The following PTPRD variants were observed in gnomAD, a reference collection of about 807,000 sequenced individuals.
PTPRD encodes the protein receptor-type tyrosine-protein phosphatase delta.
PTPRD carries 34 observed loss-of-function variants against 214.5 expected under a neutral mutation model. The ratio of observed to expected loss-of-function variants is 0.16; its 90% CI spans 0.12 to 0.21. The LOEUF (loss-of-function observed/expected upper bound fraction) is 0.21. PTPRD is among the 10% of genes least tolerant of loss of function. The pLI, the probability that PTPRD is intolerant of heterozygous loss-of-function variation, is 1.00. For synonymous variants in PTPRD, 1,128 were observed against 845.7 expected (o/e 1.33, Z -5.79); for missense variants, 2,545 against 2,398.7 (o/e 1.06, Z -1.27).
intron 12 of PTPRD, among the ~76,000 whole-genome samples, chr9:8,718,786 C>T (rs1312755320): frequency 6.6e-6 from 1 of 152,162 alleles, no homozygotes; most frequent in East Asian, 1.9e-4. Context: ...CCACGTGAGC[C>T]AGGGATTCCA....
At chr9:8,657,049 T>C (rs1166047436) in intron 12 of PTPRD, among the ~76,000 whole-genome samples, 1 of 152,198 alleles carries the variant, frequency 6.6e-6, no homozygotes, top group Non-Finnish European at 1.5e-5. Context: ...GGTAGCTCAT[T>C]ATGGTTTTGA....
intron 3 of PTPRD, among the ~76,000 whole-genome samples, chr9:10,199,875 C>G (rs1471831639): frequency 6.7e-6 from 1 of 149,742 alleles, no homozygotes; most frequent in Non-Finnish European, 1.5e-5. Flanking sequence ...ATAACTACCA[C>G]TTAACACAAG....
intron 22 of PTPRD, among the ~76,000 whole-genome samples, chr9:8,505,487 T>G (rs1450860808): frequency 6.6e-6 from 1 of 151,086 alleles, no homozygotes; most frequent in Non-Finnish European, 1.5e-5. Flanking sequence ...CCGGGTGTGG[T>G]GGTGGGCGCC....
intron 2 of PTPRD, among the ~76,000 whole-genome samples, chr9:10,445,678 A>AG (rs1009585082): frequency 6.6e-6 from 1 of 152,054 alleles, no homozygotes; most frequent in Non-Finnish European, 1.5e-5. Flanking sequence ...GCTTGAGAAC[A>AG]GTGGCTGAGC....
At chr9:9,321,879 C>T (rs991820560) in intron 9 of PTPRD, among the ~76,000 whole-genome samples, 4 of 152,106 alleles carry the variant, frequency 2.6e-5, no homozygotes, top group Non-Finnish European at 4.4e-5. Context: ...ATTTTACTAA[C>T]TTTATGGTAA....
chr9:10,577,064 G>C (rs2069645973), intron 2 of PTPRD, among the ~76,000 whole-genome samples: 1 of 151,586 alleles, frequency 6.6e-6, no homozygotes. Context: ...AAATAATGTA[G>C]AAAGCCAATC....
intron 3 of PTPRD, among the ~76,000 whole-genome samples, chr9:10,167,630 A>T (rs2099167411): frequency 2.0e-5 from 3 of 152,176 alleles, no homozygotes; most frequent in Admixed American, 1.3e-4. Context: ...AAATAGGATG[A>T]TTTATGAAGT....
At chr9:9,874,789 TG>T (rs1361541692) in intron 5 of PTPRD, among the ~76,000 whole-genome samples, 1 of 152,188 alleles carries the variant, frequency 6.6e-6, no homozygotes. Flanking sequence ...CCTGTACATT[TG>T]GAAACGTATG....
chr9:9,322,574 T>C (rs950767954), intron 9 of PTPRD, among the ~76,000 whole-genome samples: 27 of 152,310 alleles, frequency 1.8e-4, no homozygotes, highest in African/African-American at 6.3e-4. Context: ...AGCACATTTA[T>C]ACAGCAGCAA....
intron 3 of PTPRD, among the ~76,000 whole-genome samples, chr9:10,266,081 A>G (rs1327575315): frequency 1.3e-5 from 2 of 152,140 alleles, no homozygotes; most frequent in Admixed American, 6.5e-5. Flanking sequence ...TCATGGCCCT[A>G]TGGAGACCCA....
chr9:9,355,578 T>C (rs1025759357), intron 9 of PTPRD, among the ~76,000 whole-genome samples: 1 of 151,564 alleles, frequency 6.6e-6, no homozygotes, highest in Admixed American at 6.6e-5. Flanking sequence ...ACTTAGTTTT[T>C]GGACAAGTTT....
intron 11 of PTPRD, among the ~76,000 whole-genome samples, chr9:8,782,828 T>G (rs2154495029): frequency 6.6e-6 from 1 of 152,240 alleles, no homozygotes; most frequent in Non-Finnish European, 1.5e-5. Flanking sequence ...ACTCCTGACC[T>G]CGTGATCTGC....
chr9:8,806,703 G>C (rs751733278), intron 11 of PTPRD, among the ~76,000 whole-genome samples: 15 of 152,162 alleles, frequency 9.9e-5, no homozygotes, highest in Non-Finnish European at 2.1e-4. Flanking sequence ...GTAACTACCT[G>C]AGGTTCTGTT....
At chr9:8,965,189 C>T (rs953296222) in intron 11 of PTPRD, among the ~76,000 whole-genome samples, 10 of 151,962 alleles carry the variant, frequency 6.6e-5, no homozygotes, top group Admixed American at 4.6e-4. Context: ...ACCAGCCTGG[C>T]CAACATGATG....
chr9:8,834,030 C>T (rs144080469), intron 11 of PTPRD, among the ~76,000 whole-genome samples: 113 of 151,974 alleles, frequency 7.4e-4, no homozygotes, highest in Admixed American at 2.0e-3. Context: ...TTACACAAAC[C>T]GTTCAGAAAG....
At position 10,479,652 on chromosome 9, in the gene PTPRD, A is replaced by AATACATAAATAC. The variant is rs1555402851; in HGVS notation, c.-600+132745_-600+132746insGTATTTATGTAT. Among the ~76,000 whole-genome samples, 232 of 124,192 alleles carry AATACATAAATAC rather than the reference A, an allele frequency of 1.9e-3. 1 individual carries two copies. The highest frequency in any genetic ancestry group is 2.7e-3 in the Non-Finnish European group (154 of 56,502). 81.5% of individuals were successfully genotyped at this position (124,192 alleles called of 152,430 possible). A position where few individuals can be genotyped will look rare whatever the true frequency, so the allele number is the denominator to read the frequency against. Reference sequence around the variant, plus strand: ...ACATAAATAAATAAATAAATAAATAAATAAATAAACAAAAATACAAAAATT... The same window carrying AATACATAAATAC: ...ACATAAATAAATAAATAAATAAATAAATACATAAATACATAAATAAACAAAAATACAAAAATT... On this transcript the variant is annotated intron_variant, in intron 2 of 45. Transcript: ENST00000381196.
chr9:9,791,855 T>A (rs887225944), intron 5 of PTPRD, among the ~76,000 whole-genome samples: 9 of 152,174 alleles, frequency 5.9e-5, no homozygotes, highest in African/African-American at 2.2e-4. Context: ...GCTGCCATCT[T>A]CTGGTTATCT....
At chr9:9,960,093 G>C (rs1159857472) in intron 4 of PTPRD, among the ~76,000 whole-genome samples, 1 of 151,722 alleles carries the variant, frequency 6.6e-6, no homozygotes, top group Non-Finnish European at 1.5e-5. Context: ...TTAAATAAAC[G>C]ACTGACTCTA....
chr9:9,945,012 G>C (rs917612180), intron 4 of PTPRD, among the ~76,000 whole-genome samples: 20 of 152,206 alleles, frequency 1.3e-4, no homozygotes, highest in Non-Finnish European at 2.8e-4. Flanking sequence ...TTGAGAGGTA[G>C]CTAGAATATG....
Sources: gnomAD v4.1 joint callset for allele counts (sites outside exome capture counted in the v4.1 genomes callset) on GRCh38, gnomAD v4.1.1 for gene constraint, MANE v1.5 for transcripts, NCBI Gene and HGNC (gene_info 2026-07-23, HGNC 2026-07-21) for gene names.